Variants in SMARCC1 observed in about 807,000 individuals in gnomAD.
SMARCC1 encodes SWI/SNF complex subunit SMARCC1.
SMARCC1 carries 43 observed loss-of-function variants against 147.4 expected under a neutral mutation model. The observed-to-expected ratio is 0.29, with a 90% CI of 0.23 to 0.38. The LOEUF (loss-of-function observed/expected upper bound fraction) is 0.38. Ranked by LOEUF, SMARCC1 falls within the 10% of genes least tolerant of loss-of-function variation. The probability of loss-of-function intolerance (pLI) is 1.00; values close to 1 mark genes in which losing one functional copy is unlikely to be tolerated. For synonymous variants in SMARCC1, 495 were observed against 484.4 expected (o/e 1.02, Z -0.29); for missense variants, 1,119 against 1,381.1 (o/e 0.81, Z 3.01).
intron 27 of SMARCC1, 114 bp downstream of exon 27, chr3:47,590,547 C>A (rs2032160244): frequency 1.2e-5 from 10 of 858,862 alleles, no homozygotes; most frequent in Non-Finnish European, 1.7e-5. Context: ...CTGTCACAGA[C>A]TGCATCATCC....
Position 47,745,939 on chromosome 3 carries a change from C to G in SMARCC1, c.370G>C (p.Ala124Pro), listed in dbSNP as rs757969365. The G allele has an allele frequency of 3.8e-6, 6 of 1,586,064 alleles. No homozygotes were observed. Among genetic ancestry groups the G allele is most frequent in the Non-Finnish European group, 4.3e-6 (5 of 1,171,054 alleles). Residue 124 changes from alanine (A) to proline (P), a missense_variant, in exon 3 of 28, where the codon GCT becomes CCT. By Grantham distance (27) the Ala-to-Pro change is conservative. This residue lies in a region of SMARCC1 where 542 missense variants were observed against 611.8 expected (regional missense o/e 0.89). Coordinates refer to ENST00000254480, the MANE Select transcript of SMARCC1 (RefSeq NM_003074.4). ...AGGALCHILG[A>P]AYKYKNEQGW... The stretch of plus-strand genomic sequence containing the variant: ...TGTTCATTTTTATACTTGTAAGCAG[C>G]CCCAAGAATGTGACATAAGGCGCCT...
At chr3:47,596,889 A>G (rs2032292387) in intron 26 of SMARCC1, among the ~76,000 whole-genome samples, 1 of 150,504 alleles carries the variant, frequency 6.6e-6, no homozygotes, top group Non-Finnish European at 1.5e-5. Flanking sequence ...TTTTTATTTT[A>G]TTTTTTTAAA....
chr3:47,778,340 G>A (rs1023111105), intron 1 of SMARCC1, among the ~76,000 whole-genome samples: 1 of 150,786 alleles, frequency 6.6e-6, no homozygotes, highest in Non-Finnish European at 1.5e-5. Context: ...ACAAGGTCTC[G>A]CTCTGTTGCC....
chr3:47,679,654 G>A (rs919880675), intron 15 of SMARCC1, among the ~76,000 whole-genome samples: 1 of 152,134 alleles, frequency 6.6e-6, no homozygotes, highest in Non-Finnish European at 1.5e-5. Context: ...TTGAGGTCAG[G>A]AGTTCGAGAC....
At chr3:47,719,974 T>G (rs957576703) in intron 7 of SMARCC1, among the ~76,000 whole-genome samples, 1 of 150,906 alleles carries the variant, frequency 6.6e-6, no homozygotes, top group Non-Finnish European at 1.5e-5. Flanking sequence ...TGACCTCATG[T>G]GATCCACCCA....
chr3:47,599,413 T>A (rs1299348781), intron 26 of SMARCC1, among the ~76,000 whole-genome samples: 3 of 152,194 alleles, frequency 2.0e-5, no homozygotes, highest in Non-Finnish European at 4.4e-5. Context: ...CTCAGGAAAC[T>A]ACGTAGGAAA....
At chr3:47,644,706 C>A (rs1559633355) in intron 21 of SMARCC1, among the ~76,000 whole-genome samples, 1 of 152,032 alleles carries the variant, frequency 6.6e-6, no homozygotes. Context: ...CAGGGTTTCA[C>A]CAGGTTGGCC....
intron 24 of SMARCC1, among the ~76,000 whole-genome samples, chr3:47,631,189 G>A (rs1198306622): frequency 6.6e-6 from 1 of 152,222 alleles, no homozygotes; most frequent in Non-Finnish European, 1.5e-5. Context: ...AGAAATTGCA[G>A]AAACAATGCA....
At chr3:47,686,213 G>C (rs750057444) in intron 13 of SMARCC1, 43 bp from the exon 14 acceptor site, 1 of 1,528,012 alleles carries the variant, frequency 6.5e-7, no homozygotes, top group South Asian at 1.1e-5. Context: ...AAGAACTACA[G>C]AGAGAGATAT....
At chr3:47,672,429 A>G (rs1203731109) in intron 18 of SMARCC1, among the ~76,000 whole-genome samples, 2 of 152,054 alleles carry the variant, frequency 1.3e-5, no homozygotes, top group Non-Finnish European at 2.9e-5. Flanking sequence ...GATGGTCTCG[A>G]TCTCCTGACC....
chr3:47,662,364 C>G lies in SMARCC1; in HGVS notation c.2128G>C (p.Val710Leu). The change falls in exon 20 of 28, where the codon GTG becomes CTG. Residue 710 changes from valine (V) to leucine (L), a missense_variant. Physicochemically the swap from Val to Leu is conservative, Grantham distance 32. This residue lies in a region of SMARCC1 where 178 missense variants were observed against 264.6 expected (regional missense o/e 0.67). Coordinates refer to ENST00000254480, the MANE Select transcript of SMARCC1 (RefSeq NM_003074.4). ...AFLASVVDPR[V>L]ASAAAKAALE... ...GCCGCTTTTGCTGCAGCAGATGCCA[C>G]GCGAGGGTCCACCACAGATGCCAAA... 1 of 1,614,054 alleles carries G rather than the reference C, an allele frequency of 6.2e-7. No individual in the cohort carries two copies. Among genetic ancestry groups the G allele is most frequent in the Non-Finnish European group, 8.5e-7 (1 of 1,180,002 alleles).
intron 21 of SMARCC1, among the ~76,000 whole-genome samples, chr3:47,643,645 A>C (rs2033081243): frequency 6.6e-6 from 1 of 152,230 alleles, no homozygotes; most frequent in South Asian, 2.1e-4. Context: ...CATGTCACAC[A>C]GTGCTTAAGT....
chr3:47,781,517 AG>A (rs1346951023), intron 1 of SMARCC1, 85 bp downstream of exon 1: 3 of 912,374 alleles, frequency 3.3e-6, no homozygotes, highest in Admixed American at 4.3e-5. Flanking sequence ...TGCGGGGGGG[AG>A]GGGCGGCCCG....
chr3:47,664,610 A>G (rs2033399007), intron 19 of SMARCC1, among the ~76,000 whole-genome samples: 1 of 152,240 alleles, frequency 6.6e-6, no homozygotes, highest in South Asian at 2.1e-4. Context: ...AAGAATGTTG[A>G]GGAATTAATT....
intron 21 of SMARCC1, among the ~76,000 whole-genome samples, chr3:47,658,266 T>C (rs2106731013): frequency 6.6e-6 from 1 of 152,350 alleles, no homozygotes; most frequent in East Asian, 1.9e-4. Flanking sequence ...ACTATAGAAT[T>C]CACCCATTTA....
intron 2 of SMARCC1, among the ~76,000 whole-genome samples, chr3:47,746,571 A>G (rs1260825896): frequency 2.0e-5 from 3 of 152,214 alleles, no homozygotes; most frequent in Admixed American, 1.3e-4. Flanking sequence ...ACAGAAATTC[A>G]AAACCAGCCT....
At chr3:47,642,157 G>T (rs1338180468) in intron 21 of SMARCC1, among the ~76,000 whole-genome samples, 3 of 152,154 alleles carry the variant, frequency 2.0e-5, no homozygotes. Context: ...TAGCAAAATG[G>T]AAGAAAACAT....
chr3:47,718,138 C>CAAAAAA (rs71070217), intron 7 of SMARCC1, among the ~76,000 whole-genome samples: 2 of 53,678 alleles, frequency 3.7e-5, no homozygotes, highest in Non-Finnish European at 6.7e-5. Context: ...GACCTTGTCT[C>CAAAAAA]AAAAAAAAAA....
At chr3:47,706,321 C>A (rs1407969703) in intron 10 of SMARCC1, 88 bp downstream of exon 10, 3 of 1,291,974 alleles carry the variant, frequency 2.3e-6, no homozygotes, top group Non-Finnish European at 3.0e-6. Flanking sequence ...ATCTGCCCAC[C>A]TCAGCCTCCA....
Sources: gnomAD v4.1 joint callset for allele counts (sites outside exome capture counted in the v4.1 genomes callset) on GRCh38, gnomAD v4.1.1 for gene constraint, gnomAD v4.1.1 regional missense constraint, MANE v1.5 for transcripts, NCBI Gene and HGNC (gene_info 2026-07-23, HGNC 2026-07-21) for gene names.